AEBP2: variants seen among roughly 807,000 people sequenced by gnomAD.
AEBP2 encodes the protein zinc finger protein AEBP2.
In AEBP2, 10 loss-of-function variants were observed where a neutral mutation model predicts 50.8. The ratio of observed to expected loss-of-function variants is 0.20; its 90% CI spans 0.12 to 0.33. AEBP2 has a LOEUF of 0.33. AEBP2 is among the 10% of genes least tolerant of loss of function. The pLI is 1.00. For synonymous variants in AEBP2, 296 were observed against 261.3 expected (o/e 1.13, Z -1.28); for missense variants, 570 against 688.0 (o/e 0.83, Z 1.92).
chr12:19,478,297 G>C (rs796979791), intron 3 of AEBP2, among the ~76,000 whole-genome samples: 17 of 152,154 alleles, frequency 1.1e-4, no homozygotes, highest in African/African-American at 4.1e-4. Context: ...TGACCTTTCA[G>C]ACTTTTCTTT....
intron 4 of AEBP2, among the ~76,000 whole-genome samples, chr12:19,498,464 G>A (rs961353639): frequency 3.3e-5 from 5 of 152,110 alleles, no homozygotes; most frequent in Admixed American, 3.3e-4. Flanking sequence ...TATTTGATGT[G>A]CCAACTGGTG....
At chr12:19,425,210 C>A (rs964342109) in intron 1 of AEBP2, among the ~76,000 whole-genome samples, 1 of 152,106 alleles carries the variant, frequency 6.6e-6, no homozygotes, top group African/African-American at 2.4e-5. Context: ...AGTCCTGTTC[C>A]AGCACACGGG....
chr12:19,500,552 G>A (rs549651039), intron 5 of AEBP2, among the ~76,000 whole-genome samples: 4 of 152,202 alleles, frequency 2.6e-5, no homozygotes, highest in Non-Finnish European at 5.9e-5. Flanking sequence ...TTCCTCATTT[G>A]CAAAATTAGA....
chr12:19,492,585 AC>A (rs1393444793), intron 3 of AEBP2, among the ~76,000 whole-genome samples: 1 of 149,810 alleles, frequency 6.7e-6, no homozygotes, highest in Admixed American at 6.6e-5. Context: ...AAATAAAAAA[AC>A]AAAATAAAAT....
intron 5 of AEBP2, among the ~76,000 whole-genome samples, chr12:19,509,824 T>C (rs913743415): frequency 1.8e-4 from 18 of 100,514 alleles, no homozygotes; most frequent in African/African-American, 4.8e-4. Context: ...TACTTTCTTT[T>C]TTTTTTTTTT....
At chr12:19,506,109 C>T (rs1380664448) in intron 5 of AEBP2, among the ~76,000 whole-genome samples, 1 of 150,220 alleles carries the variant, frequency 6.7e-6, no homozygotes, top group Non-Finnish European at 1.5e-5. Context: ...TATATAATAT[C>T]TTTTTGAGAC....
At chr12:19,479,650 T>A (rs7314014) in intron 3 of AEBP2, among the ~76,000 whole-genome samples, 55,343 of 149,914 alleles carry the variant, frequency 0.37, 12,937 homozygotes, top group Non-Finnish European at 0.53. Context: ...GGTGCATATA[T>A]ATTTAGGATT....
At chr12:19,445,531 C>T (rs1188195927) in intron 1 of AEBP2, among the ~76,000 whole-genome samples, 1 of 152,144 alleles carries the variant, frequency 6.6e-6, no homozygotes, top group Non-Finnish European at 1.5e-5. Context: ...AGGTACTCTT[C>T]TAAATGCTGG....
chr12:19,498,497 A>G (rs1485436962), intron 4 of AEBP2, among the ~76,000 whole-genome samples: 3 of 152,154 alleles, frequency 2.0e-5, no homozygotes, highest in Non-Finnish European at 4.4e-5. Flanking sequence ...CATAAAAGCT[A>G]TGGTGGATTT....
rs1223983452 is a variant in AEBP2, at chr12:19,473,304, A to G, written c.936A>G (p.Gln312=). The part of the protein sequence containing the change: ...CKVYNTPSTS[Q]SWLQRHMLTH... ...TATATAACACTCCATCTACCAGTCA[A>G]AGTTGGTTACAAAGGCATATGCTGA... The change falls in exon 3 of 8, where the codon CAA becomes CAG. Residue 312 remains glutamine, a synonymous_variant. Transcript: ENST00000266508. 3.9e-6 allele frequency: 6 copies of G among 1,553,696 alleles called. No homozygotes were observed. The highest frequency in any genetic ancestry group is 3.5e-6 in the Non-Finnish European group (4 of 1,149,770).
At chr12:19,426,946 A>G (rs1235865322) in intron 1 of AEBP2, among the ~76,000 whole-genome samples, 1 of 152,156 alleles carries the variant, frequency 6.6e-6, no homozygotes, top group Non-Finnish European at 1.5e-5. Flanking sequence ...GTCTGTGAGG[A>G]CGTTTCTGGA....
Position 19,518,968 on chromosome 12 carries a change from T to C in AEBP2, c.*851T>C, listed in dbSNP as rs912628023. The C allele has an allele frequency of 3.7e-5, 10 of 267,318 alleles. No homozygotes were observed. The highest frequency in any genetic ancestry group is 5.5e-5 in the Non-Finnish European group (8 of 144,196). 16.6% of individuals were successfully genotyped at this position (267,318 alleles called of 1,614,324 possible). A position where few individuals can be genotyped will look rare whatever the true frequency, so the allele number is the denominator to read the frequency against. ...CTAATTTTTTTTCTGAGGAAATCAT[T>C]TGGTTTTTGAGTTGTTTTTTCTTAA... is the stretch of plus-strand genomic sequence containing the variant. On this transcript the variant is annotated 3_prime_UTR_variant, in exon 8 of 8. Transcript: ENST00000266508.
At chr12:19,421,922 G>C (rs947907814) in intron 1 of AEBP2, among the ~76,000 whole-genome samples, 15 of 152,170 alleles carry the variant, frequency 9.9e-5, no homozygotes, top group African/African-American at 3.4e-4. Context: ...GGCTGAGACA[G>C]GTGGATCACA....
chr12:19,509,237 C>T, intron 5 of AEBP2: 1 of 340,426 alleles, frequency 2.9e-6, no homozygotes, highest in Non-Finnish European at 5.7e-6. Flanking sequence ...GGCACAAGCA[C>T]AGAGTCAGCT....
intron 1 of AEBP2, among the ~76,000 whole-genome samples, chr12:19,441,131 A>G (rs1452246002): frequency 6.6e-6 from 1 of 152,242 alleles, no homozygotes; most frequent in African/African-American, 2.4e-5. Flanking sequence ...GCGGCTTTAT[A>G]GTAATGTTTC....
chr12:19,422,748 T>G (rs887920072), intron 1 of AEBP2, among the ~76,000 whole-genome samples: 1 of 152,020 alleles, frequency 6.6e-6, no homozygotes, highest in Non-Finnish European at 1.5e-5. Flanking sequence ...GTCTGATAAC[T>G]CTTGTGTGAA....
intron 1 of AEBP2, among the ~76,000 whole-genome samples, chr12:19,451,007 G>C (rs201546270): frequency 6.6e-6 from 1 of 151,198 alleles, no homozygotes; most frequent in East Asian, 1.9e-4. Flanking sequence ...TGGCATTACT[G>C]TTTTGCACTT....
chr12:19,474,263 C>G (rs139554838), intron 3 of AEBP2, among the ~76,000 whole-genome samples: 1 of 152,074 alleles, frequency 6.6e-6, no homozygotes, highest in African/African-American at 2.4e-5. Context: ...CAGCATATAC[C>G]ATAGAGATTA....
At position 19,439,675 on chromosome 12, in the gene AEBP2, AGG is replaced by A. The variant is rs1491408791; in HGVS notation, c.-24_-23del. The A allele has an allele frequency of 6.7e-6, 10 of 1,501,150 alleles. No homozygotes were observed. The Admixed American group carries it at 1.6e-4, about 24-fold the overall frequency. 93.0% of individuals were successfully genotyped at this position (1,501,150 alleles called of 1,614,324 possible). On this transcript the variant is annotated 5_prime_UTR_variant, in exon 1 of 8. Coordinates refer to ENST00000266508, the MANE Select transcript of AEBP2 (RefSeq NM_153207.5). ...GAGGGAGGCGGCGGTGGGGAGGAGGAGGAGGAGGAGGAGCAGGCGCCGCCATG... is the reference window on the plus strand; with the variant it reads ...GAGGGAGGCGGCGGTGGGGAGGAGGAAGGAGGAGGAGCAGGCGCCGCCATG...
Sources: allele counts gnomAD v4.1 joint callset (sites outside exome capture counted in the v4.1 genomes callset), GRCh38; gene constraint gnomAD v4.1.1; transcripts MANE v1.5; gene names NCBI Gene and HGNC (gene_info 2026-07-23, HGNC 2026-07-21).